Variants in ATP6V1E1 observed in about 807,000 individuals in gnomAD.
The protein encoded by ATP6V1E1 is ATPase H+ transporting V1 subunit E1, also known as V-type proton ATPase subunit E 1.
Under a neutral mutation model 35.2 loss-of-function variants are expected in ATP6V1E1, and 21 were observed. That is an observed-to-expected ratio of 0.60 (90% confidence interval 0.42 to 0.86). ATP6V1E1 has a LOEUF of 0.86. ATP6V1E1 is among the 40% of genes least tolerant of loss of function. The pLI, the probability that ATP6V1E1 is intolerant of heterozygous loss-of-function variation, is 0.00. For synonymous variants in ATP6V1E1, 83 were observed against 87.8 expected, an observed-to-expected ratio of 0.95 and a Z score of 0.30; for missense variants, 183 against 272.6, an observed-to-expected ratio of 0.67 and a Z score of 2.32.
intron 4 of ATP6V1E1, among the ~76,000 whole-genome samples, chr22:17,606,111 A>G (rs555547199): frequency 1.3e-4 from 20 of 152,330 alleles, no homozygotes; most frequent in African/African-American, 4.8e-4. Flanking sequence ...ACACCTGGGC[A>G]GGCAAGGAAA....
chr22:17,610,071 T>C (rs1403762966), intron 4 of ATP6V1E1, among the ~76,000 whole-genome samples: 1 of 151,984 alleles, frequency 6.6e-6, no homozygotes, highest in Non-Finnish European at 1.5e-5. Context: ...GTTTGTGAGC[T>C]ATGACTGCAC....
chr22:17,622,429 C>G (rs2057882281), intron 1 of ATP6V1E1, among the ~76,000 whole-genome samples: 9 of 152,080 alleles, frequency 5.9e-5, no homozygotes. Flanking sequence ...AGCAGCTTCT[C>G]CATATAACAC....
chr22:17,626,059 CA>C (rs1450146852), intron 1 of ATP6V1E1, among the ~76,000 whole-genome samples: 1 of 151,916 alleles, frequency 6.6e-6, no homozygotes, highest in Non-Finnish European at 1.5e-5. Flanking sequence ...GTAATCCCAG[CA>C]CTTTGGGAGG....
intron 2 of ATP6V1E1, among the ~76,000 whole-genome samples, chr22:17,613,840 G>A (rs1443261593): frequency 3.3e-5 from 5 of 152,120 alleles, no homozygotes; most frequent in East Asian, 1.9e-4. Flanking sequence ...GGTGGCAGGC[G>A]CCTGTAGTCC....
At chr22:17,607,339 G>T (rs4819456) in intron 4 of ATP6V1E1, among the ~76,000 whole-genome samples, 52,730 of 151,622 alleles carry the variant, frequency 0.35, 9,503 homozygotes, top group African/African-American at 0.41. Context: ...TGTATTTTTA[G>T]TAGAGATGGG....
Position 17,594,520 on chromosome 22 carries a change from C to G in ATP6V1E1, c.618+9G>C, listed in dbSNP as rs1012810041. ...CAGACCAACTACCAAGAAGTACCCC[C>G]ACACTCACCTGCTGGGCTATGAGAT... is the stretch of plus-strand genomic sequence containing the variant. On this transcript the variant is annotated intron_variant, in intron 8 of 8. Transcript: ENST00000253413. 6.4e-7 allele frequency: 1 copy of G among 1,561,930 alleles called. No homozygotes were observed. Among genetic ancestry groups the G allele is most frequent in the African/African-American group, 1.4e-5 (1 of 73,212 alleles).
intron 8 of ATP6V1E1, among the ~76,000 whole-genome samples, chr22:17,594,077 C>T (rs562351971): frequency 6.6e-6 from 1 of 152,224 alleles, no homozygotes; most frequent in African/African-American, 2.4e-5. Context: ...TGGCAGGTGC[C>T]TGTAATCCCA....
At chr22:17,609,044 G>C (rs1263425560) in intron 4 of ATP6V1E1, among the ~76,000 whole-genome samples, 1 of 151,942 alleles carries the variant, frequency 6.6e-6, no homozygotes, top group Non-Finnish European at 1.5e-5. Context: ...CTGATATCGC[G>C]CCACTGCCAC....
chr22:17,613,137 T>A, intron 3 of ATP6V1E1, 74 bp downstream of exon 3: 1 of 1,290,734 alleles, frequency 7.7e-7, no homozygotes, highest in Non-Finnish European at 1.1e-6. Flanking sequence ...AATTTATATA[T>A]GCCTGACTCC....
upstream of ATP6V1E1, chr22:17,628,800 C>T (rs1289391515): frequency 2.3e-6 from 2 of 883,344 alleles, no homozygotes; most frequent in Non-Finnish European, 3.5e-6. Flanking sequence ...ATCCTCATGA[C>T]CCTTCTCAGC....
At chr22:17,626,214 A>T (rs1410846837) in intron 1 of ATP6V1E1, among the ~76,000 whole-genome samples, 1 of 149,568 alleles carries the variant, frequency 6.7e-6, no homozygotes, top group East Asian at 2.0e-4. Flanking sequence ...AGGCTGGGGC[A>T]GGAGAATGGC....
intron 4 of ATP6V1E1, among the ~76,000 whole-genome samples, chr22:17,603,421 T>G (rs2057771264): frequency 6.6e-6 from 1 of 151,060 alleles, no homozygotes; most frequent in South Asian, 2.1e-4. Context: ...GAGGCTGAGG[T>G]GCAAGAATCC....
At chr22:17,624,831 A>C (rs1029170688) in intron 1 of ATP6V1E1, among the ~76,000 whole-genome samples, 1 of 152,140 alleles carries the variant, frequency 6.6e-6, no homozygotes, top group Non-Finnish European at 1.5e-5. Context: ...AAAAAAAAAA[A>C]ATCATTTTGA....
chr22:17,611,764 T>C (rs1382110227), intron 4 of ATP6V1E1, among the ~76,000 whole-genome samples: 5 of 152,226 alleles, frequency 3.3e-5, no homozygotes, highest in African/African-American at 1.2e-4. Context: ...AAAGTCTTCC[T>C]GTAAAATCCA....
At chr22:17,613,379 A>G in intron 2 of ATP6V1E1, 59 bp from the exon 3 acceptor site, 1 of 1,408,460 alleles carries the variant, frequency 7.1e-7, no homozygotes, top group Non-Finnish European at 1.0e-6. Context: ...ACAGTTTTAA[A>G]CAGCTGGTGA....
chr22:17,613,652 A>G (rs971196048), intron 2 of ATP6V1E1, among the ~76,000 whole-genome samples: 1 of 151,746 alleles, frequency 6.6e-6, no homozygotes, highest in African/African-American at 2.4e-5. Flanking sequence ...GGGCCAATAA[A>G]TATGACACAG....
intron 4 of ATP6V1E1, among the ~76,000 whole-genome samples, chr22:17,606,485 A>C (rs1179455730): frequency 1.5e-5 from 1 of 65,332 alleles, no homozygotes; most frequent in Non-Finnish European, 3.5e-5. Flanking sequence ...GTAAGCGGTT[A>C]AAAAAGAAAC....
intron 1 of ATP6V1E1, among the ~76,000 whole-genome samples, chr22:17,626,325 A>AAAAAAAAAAAAAAG (rs1555864859): frequency 7.3e-5 from 9 of 122,906 alleles, no homozygotes; most frequent in African/African-American, 1.8e-4. Flanking sequence ...AAAAAAAAAA[A>AAAAAAAAAAAAAAG]AAAGAAAGAA....
chr22:17,606,211 C>A (rs5746440), intron 4 of ATP6V1E1, among the ~76,000 whole-genome samples: 1 of 152,096 alleles, frequency 6.6e-6, no homozygotes, highest in South Asian at 2.1e-4. Context: ...AATTTTTACC[C>A]CAGTTCTGTA....
Sources: gnomAD v4.1 joint callset for allele counts (sites outside exome capture counted in the v4.1 genomes callset) on GRCh38, gnomAD v4.1.1 for gene constraint, MANE v1.5 for transcripts, NCBI Gene and HGNC (gene_info 2026-07-23, HGNC 2026-07-21) for gene names.